RAB1A: variants seen among roughly 807,000 people sequenced by gnomAD.
RAB1A encodes the protein RAB1A, member RAS oncogene family, also known as ras-related protein Rab-1A.
RAB1A carries 2 observed loss-of-function variants against 26.0 expected under a neutral mutation model. The observed-to-expected ratio is 0.08, with a 90% CI of 0.03 to 0.24. The LOEUF is 0.24. RAB1A is among the 10% of genes least tolerant of loss of function. RAB1A has a pLI of 1.00. For synonymous variants in RAB1A, 84 were observed against 84.9 expected (o/e 0.99, Z 0.06); for missense variants, 100 against 247.0 (o/e 0.40, Z 3.99).
At chr2:65,105,055 A>G in intron 1 of RAB1A, 1 of 575,232 alleles carries the variant, frequency 1.7e-6, no homozygotes, top group South Asian at 1.8e-5. Context: ...CTTCCACTTA[A>G]AAAGAAAGAA....
chr2:65,121,355 T>A (rs1348916950), intron 1 of RAB1A, among the ~76,000 whole-genome samples: 1 of 151,880 alleles, frequency 6.6e-6, no homozygotes, highest in Non-Finnish European at 1.5e-5. Flanking sequence ...AATAAAGGCA[T>A]GCATATTTAA....
chr2:65,090,193 A>AT (rs1370361229), intron 4 of RAB1A, among the ~76,000 whole-genome samples: 1 of 152,178 alleles, frequency 6.6e-6, no homozygotes, highest in Non-Finnish European at 1.5e-5. Context: ...TCTCCTGCAG[A>AT]TATCACCCAC....
At chr2:65,125,192 A>C (rs1670069193) in intron 1 of RAB1A, among the ~76,000 whole-genome samples, 1 of 152,132 alleles carries the variant, frequency 6.6e-6, no homozygotes, top group Non-Finnish European at 1.5e-5. Context: ...AAATACTTTA[A>C]ACTTTTTCTG....
rs1669331033 is a variant in RAB1A, at chr2:65,098,019, G to A, written c.144C>T (p.Phe48=). 2.1e-5 allele frequency: 34 copies of A among 1,584,958 alleles called. No individual in the cohort carries two copies. The highest frequency in any genetic ancestry group is 2.9e-5 in the Non-Finnish European group (34 of 1,162,762). The part of the protein sequence containing the change: ...ESYISTIGVD[F]KIRTIELDGK... The stretch of plus-strand genomic sequence containing the variant: ...CGTCTAACTCTATAGTTCTTATTTT[G>A]AAATCCACACCAATTGTGCTGATGT... The change falls in exon 3 of 6, where the codon TTC becomes TTT. Residue 48 remains phenylalanine, a synonymous_variant. Coordinates refer to ENST00000409784, the MANE Select transcript of RAB1A (RefSeq NM_004161.5).
At chr2:65,100,763 CA>C (rs10597136) in intron 2 of RAB1A, among the ~76,000 whole-genome samples, 2,160 of 128,530 alleles carry the variant, frequency 0.017, 23 homozygotes, top group Middle Eastern at 0.051. Context: ...CATCTCAAAC[CA>C]AAAAAAAAAA....
chr2:65,112,116 C>T (rs1669713697), intron 1 of RAB1A, among the ~76,000 whole-genome samples: 1 of 151,092 alleles, frequency 6.6e-6, no homozygotes, highest in Non-Finnish European at 1.5e-5. Flanking sequence ...CGAAAAATGA[C>T]AAACAATCAC....
At chr2:65,090,934 A>G in intron 4 of RAB1A, 49 bp downstream of exon 4, 1 of 1,294,264 alleles carries the variant, frequency 7.7e-7, no homozygotes, top group Non-Finnish European at 1.1e-6. Context: ...TTAATCAAAT[A>G]ATGGCTTCCT....
At position 65,118,657 on chromosome 2, in the gene RAB1A, T is replaced by G. The variant is rs556651166; in HGVS notation, c.23+11236A>C. 2.6e-5 allele frequency among the ~76,000 whole-genome samples: 4 copies of G among 152,196 alleles called. No homozygotes were observed. In the East Asian group the frequency reaches 7.8e-4, roughly 30 times the overall value. ...CACACCCAGCTGATTTTTTGTATTT[T>G]AGTAGAGACAGGGTTTCACTGTGTT... is the stretch of plus-strand genomic sequence containing the variant. On this transcript the variant is annotated intron_variant, in intron 1 of 5. Coordinates refer to ENST00000409784, the MANE Select transcript of RAB1A (RefSeq NM_004161.5).
At chr2:65,103,693 G>C (rs1318311014) in intron 2 of RAB1A, among the ~76,000 whole-genome samples, 13 of 152,178 alleles carry the variant, frequency 8.5e-5, no homozygotes, top group Non-Finnish European at 1.5e-5. Context: ...GGCTACCTGA[G>C]AGGGTCTTGG....
At chr2:65,120,621 T>C (rs1236061666) in intron 1 of RAB1A, among the ~76,000 whole-genome samples, 3 of 152,146 alleles carry the variant, frequency 2.0e-5, no homozygotes, top group Non-Finnish European at 2.9e-5. Context: ...CTGAGGTTCA[T>C]GAACAGCCTT....
intron 1 of RAB1A, among the ~76,000 whole-genome samples, chr2:65,127,702 G>A (rs1670130532): frequency 6.6e-6 from 1 of 152,184 alleles, no homozygotes; most frequent in Admixed American, 6.5e-5. Context: ...ACTCCAGCCT[G>A]GGCAACAAGA....
chr2:65,127,659 G>A (rs562983064), intron 1 of RAB1A, among the ~76,000 whole-genome samples: 1 of 152,332 alleles, frequency 6.6e-6, no homozygotes, highest in Non-Finnish European at 1.5e-5. Context: ...CCAGGAGGCG[G>A]AGGTGGCGGT....
At chr2:65,097,143 G>C (rs1669307961) in intron 3 of RAB1A, among the ~76,000 whole-genome samples, 1 of 152,172 alleles carries the variant, frequency 6.6e-6, no homozygotes, top group Non-Finnish European at 1.5e-5. Context: ...TCCATGAAAA[G>C]GGGCAGTCAC....
rs1404755859 is a variant in RAB1A, at chr2:65,088,279, A to C, written c.*214T>G. 2.1e-6 allele frequency: 1 copy of C among 474,100 alleles called. No homozygotes were observed. Among genetic ancestry groups the C allele is most frequent in the Admixed American group, 3.8e-5 (1 of 25,976 alleles). The allele number at this position is 474,100 out of a possible 1,614,324, so 29.4% of individuals were successfully genotyped here. On this transcript the variant is annotated 3_prime_UTR_variant, in exon 6 of 6. Coordinates refer to ENST00000409784, the MANE Select transcript of RAB1A (RefSeq NM_004161.5). ...ACATTATTTTATAAACCAGCACACA[A>C]AGGTTTAAAACAGTTCTGAAAATGA...
intron 5 of RAB1A, 107 bp from the exon 6 acceptor site, chr2:65,088,797 CA>C: frequency 1.5e-6 from 2 of 1,308,606 alleles, no homozygotes; most frequent in Non-Finnish European, 2.1e-6. Context: ...TCATTGGATC[CA>C]AACAGATGCT....
intron 1 of RAB1A, among the ~76,000 whole-genome samples, chr2:65,115,404 C>T (rs77299340): frequency 0.045 from 6,910 of 152,216 alleles, 185 homozygotes; most frequent in Middle Eastern, 0.13. Flanking sequence ...TCATGATTGA[C>T]ATAAATTTTT....
chr2:65,099,415 C>A (rs6721690), intron 2 of RAB1A, among the ~76,000 whole-genome samples: 7,284 of 152,084 alleles, frequency 0.048, 183 homozygotes, highest in Middle Eastern at 0.078. Context: ...ATGAACAGAC[C>A]AGGCTATCAT....
intron 3 of RAB1A, among the ~76,000 whole-genome samples, chr2:65,093,606 G>T (rs1399151032): frequency 6.6e-6 from 1 of 151,154 alleles, no homozygotes; most frequent in Non-Finnish European, 1.5e-5. Flanking sequence ...AGGATTAAAA[G>T]TAAAATCTTG....
intron 1 of RAB1A, among the ~76,000 whole-genome samples, chr2:65,109,903 C>T (rs1417710765): frequency 6.6e-6 from 1 of 152,100 alleles, no homozygotes; most frequent in South Asian, 2.1e-4. Context: ...TCCACCCTTA[C>T]GTTTGACATA....
Sources: gnomAD v4.1 joint callset for allele counts (sites outside exome capture counted in the v4.1 genomes callset) on GRCh38, gnomAD v4.1.1 for gene constraint, MANE v1.5 for transcripts, NCBI Gene and HGNC (gene_info 2026-07-23, HGNC 2026-07-21) for gene names.